Variants in NBN observed in about 807,000 individuals in gnomAD.
The protein encoded by NBN is nibrin, also known as Nijmegen breakage syndrome 1 (nibrin).
Under a neutral mutation model 90.8 loss-of-function variants are expected in NBN, and 88 were observed. The ratio of observed to expected loss-of-function variants is 0.97; its 90% CI spans 0.82 to 1.16. NBN has a LOEUF of 1.16. Among genes scored for constraint, NBN ranks in the 50% most tolerant of loss-of-function variants. The pLI, the probability that NBN is intolerant of heterozygous loss-of-function variation, is 0.00. For synonymous variants in NBN, 328 were observed against 295.1 expected (o/e 1.11, Z -1.14); for missense variants, 894 against 869.6 (o/e 1.03, Z -0.35).
chr8:89,958,275 G>C (rs1810821817), intron 9 of NBN, among the ~76,000 whole-genome samples: 1 of 152,188 alleles, frequency 6.6e-6, no homozygotes, highest in Non-Finnish European at 1.5e-5. Flanking sequence ...GTGATGGACT[G>C]ATACCGTGGC....
intron 5 of NBN, among the ~76,000 whole-genome samples, chr8:89,973,452 C>T (rs1188377163): frequency 1.3e-5 from 2 of 152,172 alleles, no homozygotes; most frequent in South Asian, 2.1e-4. Flanking sequence ...ACTGTATTAT[C>T]TAGAAGCTAA....
rs1416021442 is a variant in NBN, at chr8:89,934,481, A to T, written c.*1101T>A. 1 of 233,112 alleles carries T rather than the reference A, an allele frequency of 4.3e-6. No individual in the cohort carries two copies. Among genetic ancestry groups the T allele is most frequent in the Admixed American group, 5.6e-5 (1 of 17,806 alleles). 14.4% of individuals were successfully genotyped at this position (233,112 alleles called of 1,614,324 possible). ...AGCAGCCAGAACTTGGAAGTAAGTT[A>T]ATTTGGTTCTGGCAAGTAGATGCAC... On this transcript the variant is annotated 3_prime_UTR_variant, in exon 16 of 16. Coordinates refer to ENST00000265433, the MANE Select transcript of NBN (RefSeq NM_002485.5).
At chr8:89,969,273 T>G (rs1162394592) in intron 7 of NBN, among the ~76,000 whole-genome samples, 2 of 152,234 alleles carry the variant, frequency 1.3e-5, no homozygotes, top group Non-Finnish European at 2.9e-5. Flanking sequence ...AGTTAGCTCT[T>G]TTACAGTCTC....
chr8:89,950,973 G>A (rs1007881646), intron 11 of NBN, among the ~76,000 whole-genome samples: 25 of 152,022 alleles, frequency 1.6e-4, no homozygotes, highest in African/African-American at 6.0e-4. Flanking sequence ...TTTCCAGATA[G>A]ATTTGTGGCC....
At chr8:89,979,153 AT>A (rs1811925054) in intron 4 of NBN, among the ~76,000 whole-genome samples, 1 of 151,782 alleles carries the variant, frequency 6.6e-6, no homozygotes, top group South Asian at 2.1e-4. Flanking sequence ...AATTTTTAAA[AT>A]TTTTTGTAGA....
intron 5 of NBN, among the ~76,000 whole-genome samples, chr8:89,976,670 T>C (rs916477125): frequency 1.3e-5 from 2 of 152,214 alleles, no homozygotes; most frequent in African/African-American, 4.8e-5. Context: ...CCCAGCCCCC[T>C]AGCTCACTCT....
At chr8:89,973,688 C>T (rs1811616096) in intron 5 of NBN, among the ~76,000 whole-genome samples, 1 of 152,126 alleles carries the variant, frequency 6.6e-6, no homozygotes, top group South Asian at 2.1e-4. Context: ...AAAATCATTA[C>T]GTCTGAAGCA....
chr8:89,956,684 G>A (rs941266703), intron 9 of NBN, among the ~76,000 whole-genome samples: 7 of 152,196 alleles, frequency 4.6e-5, no homozygotes, highest in African/African-American at 1.7e-4. Flanking sequence ...CATTTGCAAG[G>A]AATAAAAAAA....
At chr8:89,949,385 A>G (rs1810339671) in intron 11 of NBN, among the ~76,000 whole-genome samples, 1 of 152,224 alleles carries the variant, frequency 6.6e-6, no homozygotes, top group Non-Finnish European at 1.5e-5. Flanking sequence ...AGAATTTACT[A>G]CTGGGTATTG....
intron 12 of NBN, 38 bp from the exon 13 acceptor site, chr8:89,946,333 G>T (rs768943641): frequency 6.6e-7 from 1 of 1,525,754 alleles, no homozygotes; most frequent in Non-Finnish European, 9.1e-7. Context: ...AGAAAGAGAA[G>T]AAATAACAAA....
At chr8:89,958,960 G>A (rs1810866132) in intron 8 of NBN, 106 bp from the exon 9 acceptor site, 1 of 1,411,324 alleles carries the variant, frequency 7.1e-7, no homozygotes, top group East Asian at 2.3e-5. Flanking sequence ...GGATTAACTA[G>A]GGAATACTGC....
intron 7 of NBN, among the ~76,000 whole-genome samples, chr8:89,965,350 G>A (rs1298390354): frequency 3.3e-5 from 5 of 152,032 alleles, no homozygotes; most frequent in Admixed American, 6.6e-5. Flanking sequence ...GGAATCTTAT[G>A]GTGAACCTAT....
intron 7 of NBN, among the ~76,000 whole-genome samples, chr8:89,965,632 GGC>G (rs1249960139): frequency 2.0e-5 from 3 of 151,942 alleles, no homozygotes; most frequent in Non-Finnish European, 4.4e-5. Flanking sequence ...TGGAACCACA[GGC>G]GCGCACCAAC....
At position 89,981,971 on chromosome 8, in the gene NBN, T is replaced by C. The variant is rs104895038; in HGVS notation, c.172-448A>G. 1,827 of 1,208,494 alleles carry C rather than the reference T, an allele frequency of 1.5e-3. 2 individuals carry two copies. The highest frequency in any genetic ancestry group is 1.9e-3 in the Non-Finnish European group (1,731 of 919,190). The allele number at this position is 1,208,494 out of a possible 1,614,324, so 74.9% of individuals were successfully genotyped here. On this transcript the variant is annotated intron_variant, in intron 2 of 15. Coordinates refer to ENST00000265433, the MANE Select transcript of NBN (RefSeq NM_002485.5). ...GACTTACAGTAACAATTTTACTTTT[T>C]CTGTAGAAATTTCCAAAATGTTTTT...
intron 13 of NBN, 141 bp from the exon 14 acceptor site, chr8:89,943,507 G>GAGT: frequency 1.2e-6 from 1 of 868,464 alleles, no homozygotes; most frequent in Non-Finnish European, 1.8e-6. Flanking sequence ...AGTGAGAGCA[G>GAGT]TAACTCTGTT....
chr8:89,974,368 T>C (rs766673247), intron 5 of NBN, among the ~76,000 whole-genome samples: 2 of 152,068 alleles, frequency 1.3e-5, no homozygotes, highest in African/African-American at 4.8e-5. Flanking sequence ...TCATATTTCT[T>C]ACCTTCGATT....
intron 4 of NBN, among the ~76,000 whole-genome samples, chr8:89,978,599 G>A (rs1213813166): frequency 6.6e-6 from 1 of 152,064 alleles, no homozygotes; most frequent in Non-Finnish European, 1.5e-5. Flanking sequence ...TTTGGAAAGG[G>A]TGGAACAACA....
chr8:89,958,214 T>G (rs13312906), intron 9 of NBN, among the ~76,000 whole-genome samples: 2 of 152,182 alleles, frequency 1.3e-5, no homozygotes, highest in Non-Finnish European at 2.9e-5. Flanking sequence ...GATGAAGCTT[T>G]GCTAGCTTGC....
intron 7 of NBN, among the ~76,000 whole-genome samples, chr8:89,969,463 C>G (rs1319258498): frequency 6.6e-6 from 1 of 152,162 alleles, no homozygotes; most frequent in Non-Finnish European, 1.5e-5. Flanking sequence ...TTAAGTTTCT[C>G]AAATGCAACA....
Sources: allele counts gnomAD v4.1 joint callset (sites outside exome capture counted in the v4.1 genomes callset), GRCh38; gene constraint gnomAD v4.1.1; transcripts MANE v1.5; gene names NCBI Gene and HGNC (gene_info 2026-07-23, HGNC 2026-07-21).